The following PDE4D variants were observed in gnomAD, a reference collection of about 807,000 sequenced individuals.
PDE4D encodes phosphodiesterase 4D, also known as 3',5'-cyclic-AMP phosphodiesterase 4D.
In PDE4D, 24 loss-of-function variants were observed where a neutral mutation model predicts 87.4. The observed-to-expected ratio is 0.27, with a 90% CI of 0.20 to 0.39. The LOEUF is 0.39. Among genes scored for constraint, PDE4D ranks in the 10% least tolerant of loss-of-function variants. The pLI is 1.00. For missense variants in PDE4D, 714 were observed against 1,041.0 expected (o/e 0.69, Z 4.32); for synonymous variants, 384 against 383.2 (o/e 1.00, Z -0.02).
chr5:60,006,181 A>G (rs1764455250), intron 2 of PDE4D, among the ~76,000 whole-genome samples: 1 of 151,932 alleles, frequency 6.6e-6, no homozygotes, highest in African/African-American at 2.4e-5. Flanking sequence ...AACAAGAACT[A>G]GTTGTATATC....
At chr5:60,185,717 C>A in intron 1 of PDE4D, 1 of 628,816 alleles carries the variant, frequency 1.6e-6, no homozygotes, top group Admixed American at 2.5e-5. Context: ...AATGTTTAAT[C>A]AAGTTATGAT....
intron 1 of PDE4D, among the ~76,000 whole-genome samples, chr5:60,219,366 T>C (rs185691841): frequency 1.1e-4 from 17 of 152,178 alleles, no homozygotes; most frequent in African/African-American, 3.9e-4. Flanking sequence ...TTTGTTTCAC[T>C]GACATAATCT....
chr5:59,997,523 T>C (rs1341322957), intron 2 of PDE4D, among the ~76,000 whole-genome samples: 1 of 152,208 alleles, frequency 6.6e-6, no homozygotes, highest in Non-Finnish European at 1.5e-5. Context: ...TTTATAATGA[T>C]AAACTGGGTA....
At chr5:60,093,074 AAG>A (rs1775303664) in intron 2 of PDE4D, among the ~76,000 whole-genome samples, 1 of 152,204 alleles carries the variant, frequency 6.6e-6, no homozygotes, top group Non-Finnish European at 1.5e-5. Context: ...GTTGTGAGGT[AAG>A]TGTGTAAATT....
chr5:59,611,510 G>T (rs1045185929), intron 1 of PDE4D, among the ~76,000 whole-genome samples: 2 of 152,052 alleles, frequency 1.3e-5, no homozygotes, highest in Admixed American at 6.6e-5. Flanking sequence ...ACCTGCACTT[G>T]TATATTCATT....
At chr5:59,730,038 A>C (rs1232011549) in intron 1 of PDE4D, among the ~76,000 whole-genome samples, 4 of 152,096 alleles carry the variant, frequency 2.6e-5, no homozygotes, top group African/African-American at 9.7e-5. Context: ...GTGACAGGTA[A>C]AGGCACTCAA....
intron 1 of PDE4D, among the ~76,000 whole-genome samples, chr5:59,546,429 T>C (rs944498133): frequency 2.0e-5 from 3 of 152,144 alleles, no homozygotes; most frequent in Non-Finnish European, 4.4e-5. Context: ...TTATGTGCCT[T>C]TTATTTCTTC....
At chr5:59,456,570 T>C (rs1799965129) in intron 1 of PDE4D, among the ~76,000 whole-genome samples, 1 of 152,212 alleles carries the variant, frequency 6.6e-6, no homozygotes, top group African/African-American at 2.4e-5. Flanking sequence ...CAACATTCTT[T>C]CTGCAGCCAT....
chr5:59,911,832 G>T (rs1753472230), intron 3 of PDE4D, among the ~76,000 whole-genome samples: 1 of 152,038 alleles, frequency 6.6e-6, no homozygotes, highest in East Asian at 1.9e-4. Context: ...TCATTTTTTA[G>T]ATGTTTAAAG....
At chr5:59,988,303 C>T (rs967575563) in intron 3 of PDE4D, 1 of 477,808 alleles carries the variant, frequency 2.1e-6, no homozygotes, top group Admixed American at 3.7e-5. Flanking sequence ...AACAATTTCA[C>T]TAAAATGTCT....
intron 1 of PDE4D, among the ~76,000 whole-genome samples, chr5:60,391,531 C>A (rs1430989291): frequency 1.3e-5 from 2 of 152,296 alleles, no homozygotes; most frequent in East Asian, 3.9e-4. Context: ...AGATCATCCA[C>A]ATTCTGTGGC....
intron 1 of PDE4D, among the ~76,000 whole-genome samples, chr5:59,390,086 C>A (rs1365765084): frequency 6.6e-6 from 1 of 151,878 alleles, no homozygotes; most frequent in Non-Finnish European, 1.5e-5. Flanking sequence ...ATGCATGAAT[C>A]AAAATATCAC....
At chr5:59,092,567 C>T (rs986067) in intron 5 of PDE4D, among the ~76,000 whole-genome samples, 6,893 of 152,114 alleles carry the variant, frequency 0.045, 322 homozygotes, top group East Asian at 0.13. Flanking sequence ...TGTAAAAGTA[C>T]GGTTTCATTT....
chr5:60,288,620 G>T (rs1475529448), intron 1 of PDE4D, among the ~76,000 whole-genome samples: 1 of 152,144 alleles, frequency 6.6e-6, no homozygotes, highest in East Asian at 1.9e-4. Flanking sequence ...TTGTGTAACT[G>T]GATATTTTAT....
chr5:59,695,006 T>C (rs1751539898), intron 1 of PDE4D, among the ~76,000 whole-genome samples: 2 of 152,234 alleles, frequency 1.3e-5, no homozygotes, highest in Admixed American at 1.3e-4. Flanking sequence ...CAAATTGTAT[T>C]AAAGTCGGGA....
At chr5:59,536,763 T>C (rs1460746439) in intron 1 of PDE4D, among the ~76,000 whole-genome samples, 9 of 152,216 alleles carry the variant, frequency 5.9e-5, no homozygotes, top group Admixed American at 3.9e-4. Flanking sequence ...GTGTACCTAT[T>C]ACACTGAATG....
chr5:59,299,024 A>T (rs1203978805), intron 1 of PDE4D, among the ~76,000 whole-genome samples: 1 of 152,240 alleles, frequency 6.6e-6, no homozygotes, highest in Non-Finnish European at 1.5e-5. Context: ...TACACATGCA[A>T]ACAAAATTAA....
chr5:59,527,978 C>T (rs569340484), intron 1 of PDE4D, among the ~76,000 whole-genome samples: 5 of 152,156 alleles, frequency 3.3e-5, no homozygotes, highest in Non-Finnish European at 7.3e-5. Context: ...TCCTCAACTC[C>T]TTTTTTGTTA....
chr5:59,574,165 T>C (rs1349332005), intron 1 of PDE4D, among the ~76,000 whole-genome samples: 1 of 113,174 alleles, frequency 8.8e-6, no homozygotes, highest in South Asian at 2.7e-4. Flanking sequence ...TATATATATA[T>C]ATATATAAAT....
Sources: allele counts gnomAD v4.1 joint callset (sites outside exome capture counted in the v4.1 genomes callset), GRCh38; gene constraint gnomAD v4.1.1; transcripts MANE v1.5; gene names NCBI Gene and HGNC (gene_info 2026-07-23, HGNC 2026-07-21).